PRKCA: variants seen among roughly 807,000 people sequenced by gnomAD.
PRKCA encodes the protein protein kinase C alpha type.
Under a neutral mutation model 87.0 loss-of-function variants are expected in PRKCA, and 27 were observed. The ratio of observed to expected loss-of-function variants is 0.31; its 90% CI spans 0.23 to 0.43. The LOEUF (loss-of-function observed/expected upper bound fraction) is 0.43, where lower values mean the gene tolerates loss of function less well. Among genes scored for constraint, PRKCA ranks in the 20% least tolerant of loss-of-function variants. PRKCA has a pLI of 1.00. For missense variants in PRKCA, 518 were observed against 852.3 expected (o/e 0.61, Z 4.88); for synonymous variants, 329 against 311.1 (o/e 1.06, Z -0.61).
intron 2 of PRKCA, among the ~76,000 whole-genome samples, chr17:66,454,061 T>C (rs1251931386): frequency 2.6e-5 from 4 of 152,262 alleles, no homozygotes; most frequent in Admixed American, 2.6e-4. Flanking sequence ...CAATTCCTCC[T>C]CATGCCCTAG....
chr17:66,662,120 C>G (rs1971923465), intron 5 of PRKCA, among the ~76,000 whole-genome samples: 1 of 152,224 alleles, frequency 6.6e-6, no homozygotes, highest in Non-Finnish European at 1.5e-5. Flanking sequence ...AGCAAGGTAC[C>G]TTTTATCCCT....
chr17:66,674,583 A>G (rs959015021), intron 5 of PRKCA, among the ~76,000 whole-genome samples: 2 of 152,170 alleles, frequency 1.3e-5, no homozygotes, highest in Non-Finnish European at 2.9e-5. Context: ...TGCTAGGGGA[A>G]TGTGGGCCAG....
In PRKCA at chr17:66,790,896, G is replaced by A. The variant is rs140900248; in HGVS notation, c.1854+1917G>A. ...ATGTGAACTGTTCTCTGTGGTCCAC[G>A]GAAATCACAGGAAGCAAAATTGTAC... On this transcript the variant is annotated intron_variant, in intron 16 of 16. Coordinates refer to ENST00000413366, the MANE Select transcript of PRKCA (RefSeq NM_002737.3). Among the ~76,000 whole-genome samples, 9 of 152,074 alleles carry A rather than the reference G, an allele frequency of 5.9e-5. No homozygotes were observed. In the East Asian group the frequency reaches 1.5e-3, roughly 26 times the overall value.
intron 3 of PRKCA, among the ~76,000 whole-genome samples, chr17:66,521,982 C>G (rs1483685411): frequency 6.6e-6 from 1 of 152,208 alleles, no homozygotes; most frequent in East Asian, 1.9e-4. Context: ...TTAAATTTAG[C>G]TCTGAAAGAA....
intron 5 of PRKCA, among the ~76,000 whole-genome samples, chr17:66,664,125 C>T (rs1007800824): frequency 2.0e-5 from 3 of 152,108 alleles, no homozygotes; most frequent in Non-Finnish European, 4.4e-5. Flanking sequence ...GCCTCGGGCT[C>T]CCAAAGTGCC....
chr17:66,322,151 G>A (rs553793202), intron 2 of PRKCA, among the ~76,000 whole-genome samples: 1 of 152,280 alleles, frequency 6.6e-6, no homozygotes, highest in African/African-American at 2.4e-5. Flanking sequence ...ATAGTTAATA[G>A]AAATGGAAGG....
chr17:66,722,021 G>A (rs112083632), intron 8 of PRKCA, among the ~76,000 whole-genome samples: 1 of 152,008 alleles, frequency 6.6e-6, no homozygotes, highest in African/African-American at 2.4e-5. Flanking sequence ...CTGGAGTAAT[G>A]GTTCAGTTTC....
intron 2 of PRKCA, among the ~76,000 whole-genome samples, chr17:66,332,273 G>C (rs1906377122): frequency 6.9e-6 from 1 of 145,314 alleles, no homozygotes; most frequent in South Asian, 2.2e-4. Flanking sequence ...TGTTGCCCAG[G>C]CTGGAGTGCA....
At chr17:66,434,092 C>T (rs1913242192) in intron 2 of PRKCA, among the ~76,000 whole-genome samples, 1 of 151,962 alleles carries the variant, frequency 6.6e-6, no homozygotes. Flanking sequence ...TTCTCTCCTG[C>T]CACACTCTTC....
intron 2 of PRKCA, among the ~76,000 whole-genome samples, chr17:66,378,057 T>C (rs1567798091): frequency 1.3e-5 from 2 of 152,172 alleles, no homozygotes; most frequent in Non-Finnish European, 2.9e-5. Flanking sequence ...GTGTGGTGGC[T>C]TACGCCTGTA....
chr17:66,490,457 C>T (rs760448339), intron 2 of PRKCA, among the ~76,000 whole-genome samples: 2 of 151,912 alleles, frequency 1.3e-5, no homozygotes, highest in African/African-American at 4.8e-5. Flanking sequence ...GATTTTTCTG[C>T]CTCAGCCTCC....
rs1395606107 is a variant in PRKCA, at chr17:66,687,284, T to C, written c.686+17T>C. On this transcript the variant is annotated intron_variant, in intron 6 of 16. Transcript: ENST00000413366. ...CTTTACATTGTAAGTGGTCTCTCCT[T>C]GATCAAATTTCATTCCTATACACCA... is the stretch of plus-strand genomic sequence containing the variant. The C allele has an allele frequency of 1.1e-5, 18 of 1,609,470 alleles. No homozygotes were observed. Among genetic ancestry groups the C allele is most frequent in the Non-Finnish European group, 1.4e-5 (17 of 1,177,662 alleles).
At chr17:66,455,064 G>A (rs1354791522) in intron 2 of PRKCA, among the ~76,000 whole-genome samples, 3 of 152,206 alleles carry the variant, frequency 2.0e-5, no homozygotes, top group Admixed American at 6.5e-5. Flanking sequence ...AACTGTGGTC[G>A]ACGCAGCTAT....
intron 3 of PRKCA, among the ~76,000 whole-genome samples, chr17:66,539,552 C>T (rs957908835): frequency 5.3e-5 from 8 of 152,078 alleles, no homozygotes; most frequent in East Asian, 1.9e-4. Context: ...TACAGGCGCC[C>T]GCCACCACAT....
At chr17:66,352,840 G>A (rs1907833735) in intron 2 of PRKCA, among the ~76,000 whole-genome samples, 1 of 152,104 alleles carries the variant, frequency 6.6e-6, no homozygotes, top group African/African-American at 2.4e-5. Flanking sequence ...GGGATTACAG[G>A]AATGAGCCAC....
rs1009977712 is a variant in PRKCA, at chr17:66,742,486, T to A, written c.1386-136T>A. On this transcript the variant is annotated intron_variant, in intron 12 of 16. Transcript: ENST00000413366. ...GATATCAACACACATTGACTTCTGATACTACAGTCCAGGGACTTATAGTTA... is the reference window on the plus strand; with the variant it reads ...GATATCAACACACATTGACTTCTGAAACTACAGTCCAGGGACTTATAGTTA... 3.3e-6 allele frequency: 3 copies of A among 907,046 alleles called. No individual in the cohort carries two copies. The African/African-American group carries it at 5.0e-5, about 15-fold the overall frequency. 56.2% of individuals were successfully genotyped at this position (907,046 alleles called of 1,614,324 possible). A position where few individuals can be genotyped will look rare whatever the true frequency, so the allele number is the denominator to read the frequency against.
intron 8 of PRKCA, among the ~76,000 whole-genome samples, chr17:66,706,935 G>A (rs1468032991): frequency 2.6e-5 from 4 of 152,246 alleles, no homozygotes; most frequent in Middle Eastern, 6.8e-3. Flanking sequence ...ATTCAAACTG[G>A]GAGAGATGTT....
intron 9 of PRKCA, among the ~76,000 whole-genome samples, chr17:66,735,060 C>T (rs8067877): frequency 0.61 from 92,183 of 152,104 alleles, 28,336 homozygotes; most frequent in East Asian, 0.71. Flanking sequence ...TATCTCCATT[C>T]GGTTTCTGTG....
chr17:66,386,218 A>G (rs1016837700), intron 2 of PRKCA, among the ~76,000 whole-genome samples: 1 of 152,168 alleles, frequency 6.6e-6, no homozygotes, highest in Admixed American at 6.5e-5. Flanking sequence ...TTTTTCATTA[A>G]CAGTATAGAT....
Sources: gnomAD v4.1 joint callset for allele counts (sites outside exome capture counted in the v4.1 genomes callset) on GRCh38, gnomAD v4.1.1 for gene constraint, MANE v1.5 for transcripts, NCBI Gene and HGNC (gene_info 2026-07-23, HGNC 2026-07-21) for gene names.